CTNNA3: variants seen among roughly 807,000 people sequenced by gnomAD.
CTNNA3 encodes the protein catenin alpha-3.
CTNNA3 carries 76 observed loss-of-function variants against 95.7 expected under a neutral mutation model. That is an observed-to-expected ratio of 0.79 (90% CI 0.66 to 0.96). CTNNA3 has a LOEUF of 0.96. CTNNA3 is among the 40% of genes least tolerant of loss of function. The pLI, the probability that CTNNA3 is intolerant of heterozygous loss-of-function variation, is 0.00. For missense variants in CTNNA3, 1,191 were observed against 1,089.8 expected (o/e 1.09, Z -1.31); for synonymous variants, 431 against 374.4 (o/e 1.15, Z -1.74).
intron 5 of CTNNA3, among the ~76,000 whole-genome samples, chr10:67,434,150 A>G (rs1846218398): frequency 1.3e-5 from 2 of 152,068 alleles, no homozygotes; most frequent in South Asian, 4.1e-4. Context: ...CCTAAAACCT[A>G]AAAGAACAAA....
intron 7 of CTNNA3, among the ~76,000 whole-genome samples, chr10:67,154,135 A>T (rs1403587518): frequency 6.6e-6 from 1 of 152,188 alleles, no homozygotes; most frequent in Admixed American, 6.5e-5. Flanking sequence ...TAAACTTTAA[A>T]CAAGCCTATA....
chr10:66,592,590 A>C (rs1483173401), intron 10 of CTNNA3, among the ~76,000 whole-genome samples: 2 of 152,206 alleles, frequency 1.3e-5, no homozygotes, highest in Admixed American at 1.3e-4. Context: ...AAATAAACAT[A>C]GGCCAGTCCT....
At chr10:67,124,333 G>GGGGTGT (rs1465657190) in intron 7 of CTNNA3, among the ~76,000 whole-genome samples, 84 of 141,870 alleles carry the variant, frequency 5.9e-4, no homozygotes, top group African/African-American at 2.1e-3. Flanking sequence ...GTGTGTTAGC[G>GGGGTGT]GTGTGTGTGT....
In CTNNA3 at chr10:66,303,242, A is replaced by T. The variant is rs554510295; in HGVS notation, c.1733-22621T>A. ...AAAGCATAAAGATGAAAAAAGAAAT[A>T]AAAAAATGTACAAACTACAACAAAC... On this transcript the variant is annotated intron_variant, in intron 12 of 17. Transcript: ENST00000433211. Among the ~76,000 whole-genome samples, 10 of 152,276 alleles carry T rather than the reference A, an allele frequency of 6.6e-5. No individual in the cohort carries two copies. In the East Asian group the frequency reaches 7.7e-4, roughly 12 times the overall value.
At chr10:66,395,811 G>T (rs1226163933) in intron 11 of CTNNA3, among the ~76,000 whole-genome samples, 3 of 151,790 alleles carry the variant, frequency 2.0e-5, no homozygotes, top group Non-Finnish European at 4.4e-5. Context: ...TATTTATATT[G>T]TTTCAGATTC....
chr10:66,889,026 A>G (rs1845155189), intron 7 of CTNNA3, among the ~76,000 whole-genome samples: 1 of 152,210 alleles, frequency 6.6e-6, no homozygotes, highest in Non-Finnish European at 1.5e-5. Context: ...ACAATGGAAT[A>G]TTATTCAGTG....
chr10:67,592,639 T>C (rs1842823799), intron 3 of CTNNA3, among the ~76,000 whole-genome samples: 1 of 151,944 alleles, frequency 6.6e-6, no homozygotes, highest in African/African-American at 2.4e-5. Flanking sequence ...CAACTTGCTT[T>C]AAAAAAGAAA....
Position 67,705,559 on chromosome 10 carries a change from A to G in CTNNA3, c.-2+57875T>C, listed in dbSNP as rs1841073023. On this transcript the variant is annotated intron_variant, in intron 1 of 17. Transcript: ENST00000684154. ...AAACAAACACCGCATATTCTCACTC[A>G]TAGGTGGGAATTGAACAATGAGAAC... Among the ~76,000 whole-genome samples, 3 of 145,858 alleles carry G rather than the reference A, an allele frequency of 2.1e-5. No homozygotes were observed. In the South Asian group the frequency reaches 6.6e-4, roughly 32 times the overall value.
intron 7 of CTNNA3, among the ~76,000 whole-genome samples, chr10:66,882,951 C>A (rs144210086): frequency 0.013 from 2,010 of 152,000 alleles, 24 homozygotes; most frequent in Non-Finnish European, 0.019. Context: ...TTTTTAAAAA[C>A]CCCAGATGTG....
At chr10:67,177,660 A>T (rs1228511013) in intron 7 of CTNNA3, among the ~76,000 whole-genome samples, 2 of 152,180 alleles carry the variant, frequency 1.3e-5, no homozygotes, top group Admixed American at 6.5e-5. Context: ...GTTTGAGTTC[A>T]GCTAGTTCCA....
chr10:67,201,551 T>G, intron 6 of CTNNA3, among the ~76,000 whole-genome samples: 1 of 152,186 alleles, frequency 6.6e-6, no homozygotes, highest in East Asian at 1.9e-4. Context: ...ACATTGCTCT[T>G]TTGGATCCTG....
chr10:67,035,202 A>G (rs1263866138), intron 7 of CTNNA3, among the ~76,000 whole-genome samples: 2 of 152,222 alleles, frequency 1.3e-5, no homozygotes, highest in Non-Finnish European at 2.9e-5. Context: ...TATGTATAGC[A>G]TAGTGCTCTG....
At chr10:66,445,426 A>T (rs2093412408) in intron 11 of CTNNA3, among the ~76,000 whole-genome samples, 1 of 152,112 alleles carries the variant, frequency 6.6e-6, no homozygotes, top group Non-Finnish European at 1.5e-5. Flanking sequence ...GTTGGAAGTA[A>T]AGCACTCCTC....
chr10:66,686,909 TG>T (rs1457597674), intron 9 of CTNNA3, among the ~76,000 whole-genome samples: 4 of 152,162 alleles, frequency 2.6e-5, no homozygotes, highest in Admixed American at 6.5e-5. Context: ...TTTGTTTTTT[TG>T]TCACAACATA....
intron 7 of CTNNA3, among the ~76,000 whole-genome samples, chr10:66,993,783 T>C (rs1054701116): frequency 2.6e-5 from 4 of 152,114 alleles, no homozygotes; most frequent in Non-Finnish European, 4.4e-5. Flanking sequence ...TTATGACCTT[T>C]GTTATTCTAA....
chr10:66,648,631 A>G (rs1845788252), intron 9 of CTNNA3, among the ~76,000 whole-genome samples: 1 of 152,192 alleles, frequency 6.6e-6, no homozygotes, highest in South Asian at 2.1e-4. Flanking sequence ...TATAAGAAAT[A>G]TTCTAGCTAC....
At chr10:65,961,859 T>C (rs1674514918) in intron 17 of CTNNA3, among the ~76,000 whole-genome samples, 1 of 152,036 alleles carries the variant, frequency 6.6e-6, no homozygotes, top group Admixed American at 6.6e-5. Flanking sequence ...CTGCCTGGAA[T>C]ATACAAGTCA....
chr10:67,442,863 T>C (rs765057880), intron 5 of CTNNA3, among the ~76,000 whole-genome samples: 38 of 151,662 alleles, frequency 2.5e-4, no homozygotes, highest in Admixed American at 4.6e-4. Context: ...GTTACATATG[T>C]ATACATGTGT....
At chr10:66,447,901 A>G (rs941084514) in intron 11 of CTNNA3, among the ~76,000 whole-genome samples, 3 of 152,126 alleles carry the variant, frequency 2.0e-5, no homozygotes, top group Non-Finnish European at 2.9e-5. Flanking sequence ...CCTACAAAAT[A>G]GGAGAATATT....
Sources: allele counts gnomAD v4.1 joint callset (sites outside exome capture counted in the v4.1 genomes callset), GRCh38; gene constraint gnomAD v4.1.1; transcripts MANE v1.5; gene names NCBI Gene and HGNC (gene_info 2026-07-23, HGNC 2026-07-21).